C1orf21: variants seen among roughly 807,000 people sequenced by gnomAD.
C1orf21 encodes uncharacterized protein C1orf21.
C1orf21 carries 3 observed loss-of-function variants against 18.7 expected under a neutral mutation model. The ratio of observed to expected loss-of-function variants is 0.16; its 90% confidence interval spans 0.07 to 0.42. The LOEUF is 0.42. Among genes scored for constraint, C1orf21 ranks in the 10% least tolerant of loss-of-function variants. The pLI is 0.99. For synonymous variants in C1orf21, 41 were observed against 46.4 expected, an observed-to-expected ratio of 0.88 and a Z score of 0.47; for missense variants, 104 against 143.6, an observed-to-expected ratio of 0.72 and a Z score of 1.41.
chr1:184,496,659 A>G (rs1657898691), intron 2 of C1orf21, among the ~76,000 whole-genome samples: 1 of 152,254 alleles, frequency 6.6e-6, no homozygotes, highest in African/African-American at 2.4e-5. Flanking sequence ...AAACACAAGC[A>G]GCATCTCAGA....
intron 1 of C1orf21, among the ~76,000 whole-genome samples, chr1:184,446,831 A>G (rs1201828689): frequency 6.8e-6 from 1 of 146,470 alleles, no homozygotes; most frequent in Non-Finnish European, 1.5e-5. Flanking sequence ...TAGTGGTAGT[A>G]TGGTTATGAT....
rs1376969368 is a variant in C1orf21 at position 184,577,699 on chromosome 1, GA to G, written c.190-13032del. ...CATGCGCAGTTTCTCAGTTTAGTGG[GA>G]AAAAAAACTGGCAAGGTTTTGGTTA... On this transcript the variant is annotated intron_variant, in intron 3 of 5. Coordinates refer to ENST00000235307, the MANE Select transcript of C1orf21 (RefSeq NM_030806.4). Among the ~76,000 whole-genome samples, 6 of 151,686 alleles carry G rather than the reference GA, an allele frequency of 4.0e-5. No homozygotes were observed. In the East Asian group the frequency reaches 7.7e-4, roughly 20 times the overall value.
At chr1:184,455,829 T>C (rs1657190362) in intron 1 of C1orf21, among the ~76,000 whole-genome samples, 1 of 152,184 alleles carries the variant, frequency 6.6e-6, no homozygotes, top group African/African-American at 2.4e-5. Flanking sequence ...GTTTTCACTG[T>C]TAAATTTTTG....
chr1:184,555,461 A>T (rs1253057367), intron 3 of C1orf21, among the ~76,000 whole-genome samples: 1 of 152,176 alleles, frequency 6.6e-6, no homozygotes, highest in Non-Finnish European at 1.5e-5. Context: ...CTGTCATGGA[A>T]GGATCTTCTC....
chr1:184,471,229 G>A (rs571499761), intron 1 of C1orf21, among the ~76,000 whole-genome samples: 1 of 152,118 alleles, frequency 6.6e-6, no homozygotes, highest in Non-Finnish European at 1.5e-5. Flanking sequence ...ATTCATTAAA[G>A]GCAAGATAGA....
At chr1:184,607,960 T>C (rs2102006723) in intron 5 of C1orf21, among the ~76,000 whole-genome samples, 1 of 152,290 alleles carries the variant, frequency 6.6e-6, no homozygotes, top group Non-Finnish European at 1.5e-5. Context: ...CATGTGTTTT[T>C]ATCTGTTATA....
chr1:184,505,322 TATATATATATATATATATAC>T lies in C1orf21; in HGVS notation c.95-2264_95-2245del, dbSNP rs1201975169. Among the ~76,000 whole-genome samples the T allele has an allele frequency of 8.8e-3, 1,154 of 131,584 alleles. 39 individuals carry two copies. The highest frequency in any genetic ancestry group is 0.036 in the African/African-American group (1,091 of 30,040). The allele number at this position is 131,584 out of a possible 152,430, so 86.3% of individuals were successfully genotyped here. A position where few individuals can be genotyped will look rare whatever the true frequency, so the allele number is the denominator to read the frequency against. On this transcript the variant is annotated intron_variant, in intron 2 of 5. Coordinates refer to ENST00000235307, the MANE Select transcript of C1orf21 (RefSeq NM_030806.4). Reference sequence around the variant, plus strand: ...ACATAAAGAAATATATATATATATATATATATATATATATATATACACACATGCCATATATATATAGACAT... The same window carrying T: ...ACATAAAGAAATATATATATATATATACACATGCCATATATATATAGACAT...
chr1:184,581,150 G>A (rs961687213), intron 3 of C1orf21, among the ~76,000 whole-genome samples: 2 of 152,148 alleles, frequency 1.3e-5, no homozygotes, highest in Admixed American at 1.3e-4. Context: ...ATATTGGCTG[G>A]GCGAGGTGGC....
chr1:184,455,393 T>C (rs919485591), intron 1 of C1orf21, among the ~76,000 whole-genome samples: 1 of 152,174 alleles, frequency 6.6e-6, no homozygotes, highest in Non-Finnish European at 1.5e-5. Context: ...TTCTGTGGTC[T>C]GGGCTAGGGC....
intron 1 of C1orf21, among the ~76,000 whole-genome samples, chr1:184,401,116 T>G (rs1231662261): frequency 6.6e-6 from 1 of 152,242 alleles, no homozygotes; most frequent in Non-Finnish European, 1.5e-5. Context: ...TCAGCTCTTT[T>G]TCATGTGTCT....
At chr1:184,471,412 A>G (rs1004058412) in intron 1 of C1orf21, among the ~76,000 whole-genome samples, 1 of 152,196 alleles carries the variant, frequency 6.6e-6, no homozygotes, top group Admixed American at 6.5e-5. Flanking sequence ...AGTACTGAAA[A>G]CAAAGAGTGT....
At chr1:184,404,007 A>G (rs1357032635) in intron 1 of C1orf21, among the ~76,000 whole-genome samples, 1 of 152,222 alleles carries the variant, frequency 6.6e-6, no homozygotes, top group African/African-American at 2.4e-5. Context: ...CATAATAAAT[A>G]GGAAATGTTT....
At chr1:184,469,086 A>G (rs1242593161) in intron 1 of C1orf21, among the ~76,000 whole-genome samples, 2 of 151,118 alleles carry the variant, frequency 1.3e-5, no homozygotes, top group East Asian at 2.0e-4. Flanking sequence ...AATACAAAAA[A>G]AGAGAAAAAA....
At chr1:184,616,424 C>A (rs917956881) in intron 5 of C1orf21, among the ~76,000 whole-genome samples, 3 of 152,232 alleles carry the variant, frequency 2.0e-5, no homozygotes, top group Admixed American at 6.5e-5. Flanking sequence ...TGCAAAGCAG[C>A]TAATGCTGTT....
At chr1:184,596,218 A>G (rs1659511348) in intron 4 of C1orf21, among the ~76,000 whole-genome samples, 1 of 152,176 alleles carries the variant, frequency 6.6e-6, no homozygotes, top group African/African-American at 2.4e-5. Context: ...TAAAGGAGCT[A>G]ATGGAAGTTA....
chr1:184,610,892 G>A (rs1659726280), intron 5 of C1orf21, among the ~76,000 whole-genome samples: 1 of 151,700 alleles, frequency 6.6e-6, no homozygotes, highest in South Asian at 2.1e-4. Context: ...CTTACTGTTG[G>A]TGAAATGGGG....
intron 1 of C1orf21, among the ~76,000 whole-genome samples, chr1:184,453,574 C>T (rs895656332): frequency 6.6e-6 from 1 of 152,126 alleles, no homozygotes; most frequent in African/African-American, 2.4e-5. Context: ...ATGTTAATAT[C>T]CTCTCTTCTG....
chr1:184,623,863 TCA>T lies in C1orf21; in HGVS notation c.*4310_*4311del, dbSNP rs1225182099. Reference sequence around the variant, plus strand: ...ATACCTCTGGGACAAACCTTAGGACTCACAAGCTATGCCATGTTTTTCAGGAG... The same window carrying T: ...ATACCTCTGGGACAAACCTTAGGACTCAAGCTATGCCATGTTTTTCAGGAG... On this transcript the variant is annotated 3_prime_UTR_variant, in exon 6 of 6. Coordinates refer to ENST00000235307, the MANE Select transcript of C1orf21 (RefSeq NM_030806.4). 2.0e-5 allele frequency: 3 copies of T among 152,604 alleles called. No homozygotes were observed. The highest frequency in any genetic ancestry group is 7.2e-5 in the African/African-American group (3 of 41,438). The allele number at this position is 152,604 out of a possible 1,614,324, so 9.5% of individuals were successfully genotyped here.
At chr1:184,503,320 C>A (rs1224614408) in intron 2 of C1orf21, among the ~76,000 whole-genome samples, 1 of 151,976 alleles carries the variant, frequency 6.6e-6, no homozygotes, top group African/African-American at 2.4e-5. Flanking sequence ...CAGGGACTTC[C>A]TGACTCAGGG....
Sources: gnomAD v4.1 joint callset for allele counts (sites outside exome capture counted in the v4.1 genomes callset) on GRCh38, gnomAD v4.1.1 for gene constraint, MANE v1.5 for transcripts, NCBI Gene and HGNC (gene_info 2026-07-23, HGNC 2026-07-21) for gene names.